The following SGMS1 variants were observed in gnomAD, a reference collection of about 807,000 sequenced individuals.
SGMS1 encodes sphingomyelin synthase 1, also known as phosphatidylcholine:ceramide cholinephosphotransferase 1.
A neutral mutation model predicts 46.2 loss-of-function variants in SGMS1; 13 were observed. The observed-to-expected ratio is 0.28, with a 90% CI of 0.18 to 0.45. SGMS1 has a LOEUF of 0.45. SGMS1 is among the 20% of genes least tolerant of loss of function. The probability of loss-of-function intolerance (pLI) is 1.00; values close to 1 mark genes in which losing one functional copy is unlikely to be tolerated. For synonymous variants in SGMS1, 203 were observed against 187.8 expected, an observed-to-expected ratio of 1.08 and a Z score of -0.66; for missense variants, 324 against 519.9, an observed-to-expected ratio of 0.62 and a Z score of 3.66.
At chr10:50,440,688 G>A (rs780391006) in intron 5 of SGMS1, among the ~76,000 whole-genome samples, 4 of 152,084 alleles carry the variant, frequency 2.6e-5, no homozygotes, top group Non-Finnish European at 5.9e-5. Context: ...CTGCAGCCAC[G>A]ACTTCCTGCC....
chr10:50,615,057 T>C (rs1838784147), intron 1 of SGMS1, among the ~76,000 whole-genome samples: 1 of 152,214 alleles, frequency 6.6e-6, no homozygotes, highest in Non-Finnish European at 1.5e-5. Flanking sequence ...TCCTGAATGC[T>C]TACCACCTGA....
chr10:50,447,803 C>T (rs1588831232), intron 5 of SGMS1, among the ~76,000 whole-genome samples: 2 of 152,258 alleles, frequency 1.3e-5, no homozygotes, highest in East Asian at 3.9e-4. Flanking sequence ...GCATATAATA[C>T]ATGGTTATTT....
At chr10:50,456,571 C>T (rs1207501381) in intron 5 of SGMS1, among the ~76,000 whole-genome samples, 2 of 152,094 alleles carry the variant, frequency 1.3e-5, no homozygotes, top group Non-Finnish European at 2.9e-5. Context: ...ACTTTAATAC[C>T]TAGGAGCACA....
intron 2 of SGMS1, among the ~76,000 whole-genome samples, chr10:50,587,679 G>A (rs533898472): frequency 1.9e-4 from 29 of 150,548 alleles, no homozygotes; most frequent in African/African-American, 7.2e-4. Context: ...GTGTGTGTGT[G>A]TCGTTATGTA....
rs960554292 is a variant in SGMS1, at chr10:50,602,387, G to A, written c.-683-12140C>T. 3.9e-5 allele frequency among the ~76,000 whole-genome samples: 6 copies of A among 152,262 alleles called. No homozygotes were observed. In the East Asian group the frequency reaches 1.2e-3, roughly 29 times the overall value. On this transcript the variant is annotated intron_variant, in intron 1 of 10. Transcript: ENST00000361781. ...GTCATAGCATTTAAAGTTCTTTCAG[G>A]GTAGTCCTTATTTAACTCAGTCCTT...
At chr10:50,574,963 G>GATA (rs1554793451) in intron 2 of SGMS1, among the ~76,000 whole-genome samples, 1 of 99,864 alleles carries the variant, frequency 1.0e-5, no homozygotes, top group South Asian at 3.9e-4. Flanking sequence ...AAAATGTGGT[G>GATA]TATATATATA....
At chr10:50,388,914 G>C (rs1848725051) in intron 6 of SGMS1, among the ~76,000 whole-genome samples, 1 of 152,156 alleles carries the variant, frequency 6.6e-6, no homozygotes, top group Non-Finnish European at 1.5e-5. Context: ...AACAAGTCTA[G>C]AGCGCCGATG....
At chr10:50,445,818 G>T (rs1401088367) in intron 5 of SGMS1, among the ~76,000 whole-genome samples, 1 of 152,198 alleles carries the variant, frequency 6.6e-6, no homozygotes, top group Non-Finnish European at 1.5e-5. Flanking sequence ...CCTGTGGGCT[G>T]GGTGGAACAG....
At chr10:50,529,392 G>T (rs1320566292) in intron 2 of SGMS1, among the ~76,000 whole-genome samples, 1 of 152,162 alleles carries the variant, frequency 6.6e-6, no homozygotes, top group African/African-American at 2.4e-5. Context: ...ACAATACAAT[G>T]CTAGGTAAAC....
At chr10:50,429,003 A>C (rs1471008016) in intron 6 of SGMS1, among the ~76,000 whole-genome samples, 5 of 152,226 alleles carry the variant, frequency 3.3e-5, no homozygotes, top group Non-Finnish European at 1.5e-5. Context: ...CAAGTATTGA[A>C]TATTGTTTTT....
intron 3 of SGMS1, among the ~76,000 whole-genome samples, chr10:50,477,697 A>T (rs1837439968): frequency 6.6e-6 from 1 of 152,160 alleles, no homozygotes; most frequent in South Asian, 2.1e-4. Flanking sequence ...CTAATGGTTT[A>T]GCACCATCTC....
intron 2 of SGMS1, among the ~76,000 whole-genome samples, chr10:50,542,082 A>G (rs1389864079): frequency 1.3e-5 from 2 of 152,170 alleles, no homozygotes; most frequent in Non-Finnish European, 2.9e-5. Flanking sequence ...CACCACCACT[A>G]GCATCAGATT....
intron 2 of SGMS1, among the ~76,000 whole-genome samples, chr10:50,568,411 C>T (rs1160133816): frequency 6.6e-6 from 1 of 152,216 alleles, no homozygotes; most frequent in East Asian, 1.9e-4. Flanking sequence ...CCACCAGCGT[C>T]CCTTGCTGTC....
intron 1 of SGMS1, among the ~76,000 whole-genome samples, chr10:50,623,133 T>G (rs1838871477): frequency 1.3e-5 from 2 of 148,882 alleles, no homozygotes; most frequent in Admixed American, 6.6e-5. Context: ...GGAGGGGGGG[T>G]CCCACCTGTT....
chr10:50,540,992 G>A (rs1253505751), intron 2 of SGMS1, among the ~76,000 whole-genome samples: 7 of 152,070 alleles, frequency 4.6e-5, no homozygotes, highest in Admixed American at 2.0e-4. Context: ...AACTTGGTTT[G>A]GGAAAGAATA....
intron 1 of SGMS1, among the ~76,000 whole-genome samples, chr10:50,611,524 A>G (rs1406476208): frequency 6.6e-6 from 1 of 152,104 alleles, no homozygotes; most frequent in African/African-American, 2.4e-5. Flanking sequence ...ACATCTTACA[A>G]ATGGCTCAGA....
At chr10:50,449,520 C>G (rs1837073031) in intron 5 of SGMS1, among the ~76,000 whole-genome samples, 1 of 152,194 alleles carries the variant, frequency 6.6e-6, no homozygotes, top group Non-Finnish European at 1.5e-5. Flanking sequence ...CTGAACTACT[C>G]TTTCCTAGGA....
upstream of SGMS1, chr10:50,624,098 C>A: frequency 1.0e-6 from 1 of 985,202 alleles, no homozygotes; most frequent in Non-Finnish European, 1.2e-6. Context: ...CCGAGCGGGA[C>A]CCCGAACCAA....
At chr10:50,613,666 G>A (rs2131934200) in intron 1 of SGMS1, among the ~76,000 whole-genome samples, 1 of 152,302 alleles carries the variant, frequency 6.6e-6, no homozygotes, top group Admixed American at 6.5e-5. Context: ...CTAAACCAGT[G>A]TTCCTTCCCA....
Sources: gnomAD v4.1 joint callset for allele counts (sites outside exome capture counted in the v4.1 genomes callset) on GRCh38, gnomAD v4.1.1 for gene constraint, MANE v1.5 for transcripts, NCBI Gene and HGNC (gene_info 2026-07-23, HGNC 2026-07-21) for gene names.